NRXN1: variants seen among roughly 807,000 people sequenced by gnomAD.
NRXN1 encodes the protein neurexin-1.
Under a neutral mutation model 150.9 loss-of-function variants are expected in NRXN1, and 39 were observed. The ratio of observed to expected loss-of-function variants is 0.26; its 90% CI spans 0.20 to 0.34. The LOEUF is 0.34. NRXN1 is among the 10% of genes least tolerant of loss of function. NRXN1 has a pLI of 1.00. For missense variants in NRXN1, 1,815 were observed against 1,949.9 expected, an observed-to-expected ratio of 0.93 and a Z score of 1.30; for synonymous variants, 924 against 757.0, an observed-to-expected ratio of 1.22 and a Z score of -3.62.
chr2:50,050,225 A>C (rs1435004274), intron 21 of NRXN1, among the ~76,000 whole-genome samples: 1 of 149,480 alleles, frequency 6.7e-6, no homozygotes, highest in Non-Finnish European at 1.5e-5. Flanking sequence ...GACTTTATGG[A>C]GGATATTTTG....
intron 17 of NRXN1, among the ~76,000 whole-genome samples, chr2:50,278,282 TATAATACATATATAA>T (rs2070890600): frequency 1.1e-5 from 1 of 87,904 alleles, no homozygotes; most frequent in East Asian, 2.4e-4. Flanking sequence ...GTATTATATA[TATAATACATATATAA>T]TATATATTTT....
chr2:50,470,617 G>T (rs910398929), intron 16 of NRXN1, among the ~76,000 whole-genome samples: 1 of 151,680 alleles, frequency 6.6e-6, no homozygotes, highest in African/African-American at 2.4e-5. Flanking sequence ...TCACCTGGGG[G>T]ACAGGAATTC....
intron 19 of NRXN1, among the ~76,000 whole-genome samples, chr2:50,078,896 A>C (rs1241108310): frequency 6.6e-6 from 1 of 152,104 alleles, no homozygotes; most frequent in African/African-American, 2.4e-5. Context: ...TTTTTAGACT[A>C]CATAAATTAC....
intron 8 of NRXN1, among the ~76,000 whole-genome samples, chr2:50,613,660 C>T (rs1221393096): frequency 1.3e-5 from 2 of 152,116 alleles, no homozygotes; most frequent in East Asian, 1.9e-4. Context: ...TCATACAGGC[C>T]AGGTGTGGTG....
intron 18 of NRXN1, among the ~76,000 whole-genome samples, chr2:50,234,337 T>C (rs1363222213): frequency 6.6e-6 from 1 of 151,972 alleles, no homozygotes; most frequent in Non-Finnish European, 1.5e-5. Flanking sequence ...CTACCGCATA[T>C]ACAAAAATTA....
At chr2:50,725,644 C>T (rs963095958) in intron 5 of NRXN1, among the ~76,000 whole-genome samples, 6 of 152,062 alleles carry the variant, frequency 3.9e-5, no homozygotes, top group African/African-American at 1.2e-4. Flanking sequence ...ATAGAAAATG[C>T]CCTTCTTACA....
intron 2 of NRXN1, among the ~76,000 whole-genome samples, chr2:51,027,015 G>A (rs1029337863): frequency 1.2e-4 from 18 of 152,186 alleles, no homozygotes; most frequent in Middle Eastern, 6.8e-3. Context: ...AACCACGTGG[G>A]GATTCTCAAC....
At chr2:50,793,781 A>C (rs1706402873) in intron 5 of NRXN1, among the ~76,000 whole-genome samples, 1 of 152,052 alleles carries the variant, frequency 6.6e-6, no homozygotes. Flanking sequence ...CAGGAATGCA[A>C]AAAGAGCCTG....
intron 22 of NRXN1, among the ~76,000 whole-genome samples, chr2:49,933,237 C>T (rs547105267): frequency 6.6e-6 from 1 of 152,214 alleles, no homozygotes; most frequent in South Asian, 2.1e-4. Flanking sequence ...CACGCACCTG[C>T]CACCACGCCC....
chr2:50,293,345 C>A (rs1164204065), intron 17 of NRXN1, among the ~76,000 whole-genome samples: 1 of 152,140 alleles, frequency 6.6e-6, no homozygotes, highest in Non-Finnish European at 1.5e-5. Context: ...TTCATATTCA[C>A]ATACTTCTCT....
At chr2:50,778,847 C>T (rs759516006) in intron 5 of NRXN1, among the ~76,000 whole-genome samples, 7 of 152,120 alleles carry the variant, frequency 4.6e-5, no homozygotes, top group African/African-American at 7.2e-5. Flanking sequence ...GCAAATAATA[C>T]AGAATCTCTA....
In NRXN1 at chr2:50,829,188, A is replaced by G. The variant is rs1671020154; in HGVS notation, c.832+92681T>C. The stretch of plus-strand genomic sequence containing the variant: ...AGCCGAGATGGCAGCAGTACAGTCC[A>G]GCTTCGGCTTGGCATCAGAGGGAGA... On this transcript the variant is annotated intron_variant, in intron 5 of 22. Coordinates refer to ENST00000401669, the MANE Select transcript of NRXN1 (RefSeq NM_001330078.2). Among the ~76,000 whole-genome samples, 3 of 152,118 alleles carry G rather than the reference A, an allele frequency of 2.0e-5. No individual in the cohort carries two copies. The South Asian group carries it at 6.2e-4, about 32-fold the overall frequency.
rs146906070 is a variant in NRXN1 at position 50,895,079 on chromosome 2, A to G, written c.832+26790T>C. 1.8e-3 allele frequency among the ~76,000 whole-genome samples: 274 copies of G among 152,282 alleles called. 6 individuals carry two copies. In the East Asian group the frequency reaches 0.048, roughly 27 times the overall value. On this transcript the variant is annotated intron_variant, in intron 5 of 22. Coordinates refer to ENST00000401669, the MANE Select transcript of NRXN1 (RefSeq NM_001330078.2). ...TTGAGTTGGGTTCCCACTACAAATG[A>G]ATTGCCACAAGAATAAATGACAAAT...
chr2:50,120,241 A>T (rs1187405707), intron 18 of NRXN1, among the ~76,000 whole-genome samples: 2 of 151,760 alleles, frequency 1.3e-5, no homozygotes, highest in Non-Finnish European at 2.9e-5. Context: ...ATTTTAAAAA[A>T]TGGTACTATA....
At chr2:50,227,907 T>G (rs776447733) in intron 18 of NRXN1, among the ~76,000 whole-genome samples, 1 of 152,102 alleles carries the variant, frequency 6.6e-6, no homozygotes, top group East Asian at 1.9e-4. Flanking sequence ...ATTAAGTTTG[T>G]TGTAAGTTTA....
chr2:50,021,257 A>T (rs1687521111), intron 21 of NRXN1, among the ~76,000 whole-genome samples: 1 of 152,174 alleles, frequency 6.6e-6, no homozygotes, highest in Non-Finnish European at 1.5e-5. Context: ...TAGTTTAAGG[A>T]TCAAGTTGCT....
rs143770319 is a variant in NRXN1 at position 50,268,625 on chromosome 2, T to A, written c.3365-31655A>T. Among the ~76,000 whole-genome samples, 646 of 152,298 alleles carry A rather than the reference T, an allele frequency of 4.2e-3. 7 individuals are homozygous for A. The highest frequency in any genetic ancestry group is 0.014 in the African/African-American group (594 of 41,568). On this transcript the variant is annotated intron_variant, in intron 17 of 22. Coordinates refer to ENST00000401669, the MANE Select transcript of NRXN1 (RefSeq NM_001330078.2). ...ATCCCAGGGGGCGATTCCTTCCTTT[T>A]CTGAATCCCCATAGCACACATCACC...
intron 5 of NRXN1, among the ~76,000 whole-genome samples, chr2:50,822,766 T>C (rs1669920531): frequency 6.6e-6 from 1 of 152,168 alleles, no homozygotes; most frequent in African/African-American, 2.4e-5. Flanking sequence ...CTATGAGAAC[T>C]CTTTAGCTTA....
chr2:50,053,181 G>A, intron 21 of NRXN1, 90 bp downstream of exon 21: 1 of 1,333,276 alleles, frequency 7.5e-7, no homozygotes, highest in Non-Finnish European at 1.1e-6. Flanking sequence ...TCAGAAAAAT[G>A]TTCCAATTTA....
Sources: allele counts gnomAD v4.1 joint callset (sites outside exome capture counted in the v4.1 genomes callset), GRCh38; gene constraint gnomAD v4.1.1; transcripts MANE v1.5; gene names NCBI Gene and HGNC (gene_info 2026-07-23, HGNC 2026-07-21).